The following ELAPOR2 variants were observed in gnomAD, a reference collection of about 807,000 sequenced individuals.
ELAPOR2 encodes endosome-lysosome associated apoptosis and autophagy regulator family member 2, also known as endosome/lysosome-associated apoptosis and autophagy regulator family member 2.
A neutral mutation model predicts 120.7 loss-of-function variants in ELAPOR2; 89 were observed. That is an observed-to-expected ratio of 0.74 (90% CI 0.62 to 0.88). The LOEUF is 0.88. Among genes scored for constraint, ELAPOR2 ranks in the 40% least tolerant of loss-of-function variants. The pLI, the probability that ELAPOR2 is intolerant of heterozygous loss-of-function variation, is 0.00. For missense variants in ELAPOR2, 1,134 were observed against 1,251.6 expected (o/e 0.91, Z 1.42); for synonymous variants, 444 against 444.9 (o/e 1.00, Z 0.03).
intron 1 of ELAPOR2, among the ~76,000 whole-genome samples, chr7:86,996,549 G>A (rs896535094): frequency 4.6e-5 from 7 of 152,192 alleles, no homozygotes; most frequent in Non-Finnish European, 7.3e-5. Flanking sequence ...ATCTTAAAAC[G>A]GAGATTGGAT....
intron 1 of ELAPOR2, among the ~76,000 whole-genome samples, chr7:86,978,770 C>T (rs1175672893): frequency 3.9e-5 from 6 of 152,244 alleles, no homozygotes; most frequent in South Asian, 2.1e-4. Context: ...TCTTGTAAGG[C>T]TATAGGAATA....
chr7:86,905,866 T>C (rs1047968005), intron 18 of ELAPOR2, among the ~76,000 whole-genome samples: 5 of 152,188 alleles, frequency 3.3e-5, no homozygotes, highest in Non-Finnish European at 1.5e-5. Context: ...AAGTGGCAGA[T>C]TCCTGGAGGT....
chr7:86,944,783 C>T, intron 4 of ELAPOR2, 116 bp downstream of exon 4: 1 of 691,782 alleles, frequency 1.4e-6, no homozygotes, highest in South Asian at 2.6e-5. Flanking sequence ...GTTCAGTTAA[C>T]ACACACACAC....
intron 1 of ELAPOR2, among the ~76,000 whole-genome samples, chr7:87,036,246 G>A (rs938474612): frequency 6.6e-6 from 1 of 152,124 alleles, no homozygotes; most frequent in Non-Finnish European, 1.5e-5. Flanking sequence ...GGCTGAGGTG[G>A]GATGATTACT....
chr7:87,003,343 C>T (rs1793376665), intron 1 of ELAPOR2, among the ~76,000 whole-genome samples: 1 of 151,994 alleles, frequency 6.6e-6, no homozygotes, highest in Non-Finnish European at 1.5e-5. Flanking sequence ...GCTCTGTATC[C>T]CCAACAGAAT....
intron 14 of ELAPOR2, 144 bp downstream of exon 14, chr7:86,912,797 G>A (rs758080298): frequency 1.1e-6 from 1 of 930,190 alleles, no homozygotes. Flanking sequence ...CGCAAGAAGG[G>A]AGAAAACAGA....
At chr7:86,915,760 A>G (rs1187587568) in intron 12 of ELAPOR2, among the ~76,000 whole-genome samples, 2 of 150,998 alleles carry the variant, frequency 1.3e-5, no homozygotes, top group African/African-American at 4.9e-5. Flanking sequence ...ATAATACAGG[A>G]ATCAAACATG....
intron 18 of ELAPOR2, among the ~76,000 whole-genome samples, chr7:86,900,593 C>G (rs1457616396): frequency 6.6e-6 from 1 of 152,170 alleles, no homozygotes; most frequent in Non-Finnish European, 1.5e-5. Context: ...TGTCAAAACA[C>G]TATAGTGCCT....
At chr7:86,961,261 A>G (rs1245331565) in intron 2 of ELAPOR2, among the ~76,000 whole-genome samples, 1 of 152,202 alleles carries the variant, frequency 6.6e-6, no homozygotes, top group African/African-American at 2.4e-5. Flanking sequence ...TCATTTAGAA[A>G]GTGGTGTGTT....
At chr7:87,015,946 T>TA (rs1330556665) in intron 1 of ELAPOR2, among the ~76,000 whole-genome samples, 44 of 152,244 alleles carry the variant, frequency 2.9e-4, no homozygotes, top group African/African-American at 1.0e-3. Flanking sequence ...GCACTGGAAG[T>TA]AATGCAGCAG....
chr7:86,956,713 CT>C (rs1335877974), intron 2 of ELAPOR2, among the ~76,000 whole-genome samples: 6 of 152,168 alleles, frequency 3.9e-5, no homozygotes, highest in Non-Finnish European at 8.8e-5. Context: ...ATTGCAGCTT[CT>C]TGACTTCAAT....
intron 1 of ELAPOR2, among the ~76,000 whole-genome samples, chr7:87,046,793 T>A (rs534780963): frequency 9.8e-5 from 15 of 152,340 alleles, no homozygotes; most frequent in African/African-American, 3.6e-4. Context: ...TGCAGCCATG[T>A]GGAGCTGTGA....
chr7:86,891,923 A>G, intron 20 of ELAPOR2, 34 bp from the exon 21 acceptor site: 1 of 1,317,778 alleles, frequency 7.6e-7, no homozygotes, highest in Non-Finnish European at 1.1e-6. Flanking sequence ...ACAAATAAGT[A>G]TCCATTTATG....
At chr7:86,955,698 C>A (rs576744309) in intron 2 of ELAPOR2, among the ~76,000 whole-genome samples, 2 of 152,038 alleles carry the variant, frequency 1.3e-5, no homozygotes, top group African/African-American at 2.4e-5. Context: ...TAATCAGAAT[C>A]ACCAAAAGAG....
At chr7:86,880,610 GT>G in intron 21 of ELAPOR2, 80 bp from the exon 22 acceptor site, 1 of 899,538 alleles carries the variant, frequency 1.1e-6, no homozygotes, top group Non-Finnish European at 1.8e-6. Flanking sequence ...CAGAAGGAAA[GT>G]TCCAGAAATC....
chr7:87,046,676 A>G (rs1458987268), intron 1 of ELAPOR2, among the ~76,000 whole-genome samples: 1 of 152,164 alleles, frequency 6.6e-6, no homozygotes, highest in Non-Finnish European at 1.5e-5. Flanking sequence ...TGATGATGTC[A>G]TAAGTCTTTG....
intron 1 of ELAPOR2, among the ~76,000 whole-genome samples, chr7:86,990,981 T>C (rs562519025): frequency 3.9e-5 from 6 of 152,334 alleles, no homozygotes; most frequent in Non-Finnish European, 7.4e-5. Flanking sequence ...TTAATCTATA[T>C]GGTATGTTTG....
At chr7:86,993,381 AC>A (rs1583964366) in intron 1 of ELAPOR2, among the ~76,000 whole-genome samples, 1 of 152,210 alleles carries the variant, frequency 6.6e-6, no homozygotes, top group African/African-American at 2.4e-5. Context: ...TAGGAATATG[AC>A]AGTGAATGAG....
chr7:86,911,247 T>G (rs1481577239), intron 15 of ELAPOR2, among the ~76,000 whole-genome samples: 1 of 152,094 alleles, frequency 6.6e-6, no homozygotes, highest in Non-Finnish European at 1.5e-5. Context: ...ATCTAGTGAG[T>G]GTCTTGGATC....
Sources: allele counts gnomAD v4.1 joint callset (sites outside exome capture counted in the v4.1 genomes callset), GRCh38; gene constraint gnomAD v4.1.1; transcripts MANE v1.5; gene names NCBI Gene and HGNC (gene_info 2026-07-23, HGNC 2026-07-21).